ANGPT1: variants seen among roughly 807,000 people sequenced by gnomAD.
ANGPT1 encodes the protein angiopoietin-1.
Under a neutral mutation model 62.2 loss-of-function variants are expected in ANGPT1, and 17 were observed. That is an observed-to-expected ratio of 0.27 (90% confidence interval 0.19 to 0.41). The LOEUF is 0.41. ANGPT1 is among the 10% of genes least tolerant of loss of function. ANGPT1 has a pLI of 1.00. For missense variants in ANGPT1, 478 were observed against 594.9 expected, an observed-to-expected ratio of 0.80 and a Z score of 2.04; for synonymous variants, 199 against 198.9, an observed-to-expected ratio of 1.00 and a Z score of 0.00.
At chr8:107,487,566 A>G (rs1227060583) in intron 1 of ANGPT1, among the ~76,000 whole-genome samples, 1 of 152,136 alleles carries the variant, frequency 6.6e-6, no homozygotes, top group Non-Finnish European at 1.5e-5. Flanking sequence ...AAAGAAAGAA[A>G]AAGAAAAAGC....
chr8:107,421,839 A>G (rs1458184219), intron 1 of ANGPT1, among the ~76,000 whole-genome samples: 1 of 152,210 alleles, frequency 6.6e-6, no homozygotes, highest in East Asian at 1.9e-4. Context: ...CATAGAAAAC[A>G]GTGAGTTTTC....
intron 1 of ANGPT1, among the ~76,000 whole-genome samples, chr8:107,372,430 T>C (rs1033294946): frequency 6.6e-6 from 1 of 152,184 alleles, no homozygotes; most frequent in Non-Finnish European, 1.5e-5. Context: ...GCCTCTAAAA[T>C]TACAATCCAT....
At chr8:107,450,161 A>G (rs984811824) in intron 1 of ANGPT1, among the ~76,000 whole-genome samples, 1 of 152,094 alleles carries the variant, frequency 6.6e-6, no homozygotes, top group Non-Finnish European at 1.5e-5. Flanking sequence ...TGGAGGAACC[A>G]TATGGGACAT....
At chr8:107,479,093 T>C (rs1812610158) in intron 1 of ANGPT1, among the ~76,000 whole-genome samples, 1 of 151,980 alleles carries the variant, frequency 6.6e-6, no homozygotes, top group Non-Finnish European at 1.5e-5. Context: ...TGGGAGCTTG[T>C]ATGTGATTTC....
At chr8:107,383,028 A>T (rs527596537) in intron 1 of ANGPT1, among the ~76,000 whole-genome samples, 2 of 152,144 alleles carry the variant, frequency 1.3e-5, no homozygotes, top group Non-Finnish European at 2.9e-5. Flanking sequence ...TATTGTACTT[A>T]CCTCCTCACA....
Position 107,440,480 on chromosome 8 carries a change from G to A in ANGPT1, c.297+56782C>T, listed in dbSNP as rs536712924. On this transcript the variant is annotated intron_variant, in intron 1 of 8. Transcript: ENST00000517746. ...AGGTTTCCATTTTTTCATTCATTCAGTAAATACAAATATGCAGATATACAT... is the reference window on the plus strand; with the variant it reads ...AGGTTTCCATTTTTTCATTCATTCAATAAATACAAATATGCAGATATACAT... 1.9e-3 allele frequency among the ~76,000 whole-genome samples: 285 copies of A among 152,232 alleles called. 1 individual carries two copies. Among genetic ancestry groups the A allele is most frequent in the Middle Eastern group, 3.4e-3 (1 of 294 alleles).
Position 107,467,932 on chromosome 8 carries a change from TCC to T in ANGPT1, c.297+29328_297+29329del, listed in dbSNP as rs1278775306. ...AGCCTAGATGTTAGACAGCATTAAA[TCC>T]CTTTTATCAGATGAGAAATCTGATG... On this transcript the variant is annotated intron_variant, in intron 1 of 8. Coordinates refer to ENST00000517746, the MANE Select transcript of ANGPT1 (RefSeq NM_001146.5). Among the ~76,000 whole-genome samples, 9 of 152,220 alleles carry T rather than the reference TCC, an allele frequency of 5.9e-5. No homozygotes were observed. In the East Asian group the frequency reaches 1.7e-3, roughly 29 times the overall value.
intron 1 of ANGPT1, among the ~76,000 whole-genome samples, chr8:107,483,636 T>C (rs1217502263): frequency 6.6e-6 from 1 of 152,172 alleles, no homozygotes; most frequent in East Asian, 1.9e-4. Flanking sequence ...TTCCCCAGAA[T>C]ATTACAAATA....
chr8:107,312,984 G>A (rs1021494423), intron 4 of ANGPT1, among the ~76,000 whole-genome samples: 13 of 152,080 alleles, frequency 8.5e-5, no homozygotes, highest in South Asian at 2.1e-4. Context: ...AGGTTTGTGC[G>A]TGTCTGTGTG....
chr8:107,453,137 CATAAACATACATTA>C, intron 1 of ANGPT1, among the ~76,000 whole-genome samples: 1 of 152,120 alleles, frequency 6.6e-6, no homozygotes, highest in South Asian at 2.1e-4. Context: ...ACAATGCTAA[CATAAACATACATTA>C]ATTTGGCACA....
intron 1 of ANGPT1, among the ~76,000 whole-genome samples, chr8:107,452,554 AT>A (rs1435618710): frequency 5.3e-5 from 8 of 151,600 alleles, no homozygotes; most frequent in African/African-American, 1.9e-4. Flanking sequence ...TTATTGTTAC[AT>A]TAATCAATAT....
At chr8:107,289,028 C>A (rs1266848977) in intron 6 of ANGPT1, among the ~76,000 whole-genome samples, 1 of 152,068 alleles carries the variant, frequency 6.6e-6, no homozygotes, top group Non-Finnish European at 1.5e-5. Flanking sequence ...TCCTCTTTTT[C>A]ATGAATAAAA....
chr8:107,313,245 A>T (rs1359029517), intron 4 of ANGPT1, among the ~76,000 whole-genome samples: 1 of 152,060 alleles, frequency 6.6e-6, no homozygotes, highest in Non-Finnish European at 1.5e-5. Flanking sequence ...TAAAAAGATG[A>T]GTAATTCTTT....
chr8:107,415,986 A>G (rs1810729992), intron 1 of ANGPT1, among the ~76,000 whole-genome samples: 1 of 152,070 alleles, frequency 6.6e-6, no homozygotes, highest in Non-Finnish European at 1.5e-5. Context: ...ATTTATAATC[A>G]TGGGATAATC....
At chr8:107,434,827 A>G (rs1295082173) in intron 1 of ANGPT1, among the ~76,000 whole-genome samples, 4 of 152,208 alleles carry the variant, frequency 2.6e-5, no homozygotes, top group Non-Finnish European at 1.5e-5. Flanking sequence ...AAAGTGGTAA[A>G]TGTCCCCACT....
At chr8:107,452,729 C>T (rs960506742) in intron 1 of ANGPT1, among the ~76,000 whole-genome samples, 5 of 151,902 alleles carry the variant, frequency 3.3e-5, no homozygotes, top group African/African-American at 1.2e-4. Flanking sequence ...GCACAAACTG[C>T]CCAAACTCCA....
intron 6 of ANGPT1, among the ~76,000 whole-genome samples, chr8:107,290,003 T>C (rs1193006053): frequency 6.6e-6 from 1 of 152,144 alleles, no homozygotes; most frequent in African/African-American, 2.4e-5. Context: ...CAGACTTTCC[T>C]TTCAGACAAA....
chr8:107,362,241 T>C lies in ANGPT1; in HGVS notation c.298-15144A>G, dbSNP rs145973701. ...CATGAATACATAAATATGAAAAAGA[T>C]GCAGTTCTTGCTTAGTCCCTGGCAA... On this transcript the variant is annotated intron_variant, in intron 1 of 8. Coordinates refer to ENST00000517746, the MANE Select transcript of ANGPT1 (RefSeq NM_001146.5). Among the ~76,000 whole-genome samples, 42 of 152,304 alleles carry C rather than the reference T, an allele frequency of 2.8e-4. No homozygotes were observed. In the East Asian group the frequency reaches 8.1e-3, roughly 29 times the overall value.
chr8:107,275,465 C>T (rs552929770), intron 7 of ANGPT1, among the ~76,000 whole-genome samples: 6 of 152,130 alleles, frequency 3.9e-5, no homozygotes, highest in Non-Finnish European at 7.4e-5. Flanking sequence ...TCACTTTAGG[C>T]CACTATTTGG....
Sources: gnomAD v4.1 joint callset for allele counts (sites outside exome capture counted in the v4.1 genomes callset) on GRCh38, gnomAD v4.1.1 for gene constraint, MANE v1.5 for transcripts, NCBI Gene and HGNC (gene_info 2026-07-23, HGNC 2026-07-21) for gene names.